The following AP4E1 variants were observed in gnomAD, a reference collection of about 807,000 sequenced individuals.
AP4E1 encodes AP-4 complex subunit epsilon-1.
In AP4E1, 56 loss-of-function variants were observed where a neutral mutation model predicts 128.2. The observed-to-expected ratio is 0.44, with a 90% CI of 0.35 to 0.55. The LOEUF is 0.55. Ranked by LOEUF, AP4E1 falls within the 20% of genes least tolerant of loss-of-function variation. The probability of loss-of-function intolerance (pLI) is 0.00; values close to 1 mark genes in which losing one functional copy is unlikely to be tolerated. For synonymous variants in AP4E1, 484 were observed against 473.1 expected (o/e 1.02, Z -0.30); for missense variants, 1,324 against 1,307.7 (o/e 1.01, Z -0.19).
In AP4E1 at chr15:50,915,444, T is replaced by A; in HGVS notation, c.223-4T>A. 1 of 1,612,508 alleles carries A rather than the reference T, an allele frequency of 6.2e-7. No individual in the cohort carries two copies. The highest frequency in any genetic ancestry group is 8.5e-7 in the Non-Finnish European group (1 of 1,178,874). On this transcript the variant is annotated splice_region_variant and splice_polypyrimidine_tract_variant and intron_variant, in intron 2 of 20. Coordinates refer to ENST00000261842, the MANE Select transcript of AP4E1 (RefSeq NM_007347.5). ...ATACAGCTACTGGATATTTTGCTTT[T>A]CAGAAAATGATGAAGGAATGTATGG...
chr15:50,961,200 C>T (rs951689353), intron 14 of AP4E1, among the ~76,000 whole-genome samples: 1 of 152,032 alleles, frequency 6.6e-6, no homozygotes, highest in Non-Finnish European at 1.5e-5. Flanking sequence ...AGCACCAACT[C>T]TTCTTAAACT....
At position 50,974,028 on chromosome 15, in the gene AP4E1, C is replaced by T. The variant is rs376262983; in HGVS notation, c.1966+5651C>T. Among the ~76,000 whole-genome samples the T allele has an allele frequency of 5.3e-5, 8 of 152,266 alleles. 1 individual carries two copies. Among genetic ancestry groups the T allele is most frequent in the Non-Finnish European group, 2.9e-5 (2 of 68,018 alleles). ...TCGCCTAGGCTGGAGTGCAGTGGTA[C>T]GATCTCAGCTCACTGCAACCTCTGC... On this transcript the variant is annotated intron_variant, in intron 15 of 20. Coordinates refer to ENST00000261842, the MANE Select transcript of AP4E1 (RefSeq NM_007347.5).
At position 51,003,554 on chromosome 15, in the gene AP4E1, G is replaced by A. The variant is rs1467015924; in HGVS notation, c.*892G>A. The A allele has an allele frequency of 6.6e-6, 1 of 152,434 alleles. No individual in the cohort carries two copies. Among genetic ancestry groups the A allele is most frequent in the Non-Finnish European group, 1.5e-5 (1 of 68,020 alleles). 9.4% of individuals were successfully genotyped at this position (152,434 alleles called of 1,614,324 possible). ...CTTTTCCTGGCCTTTGAATCCACTA[G>A]TACTTAATGGATATAGCTGAAGCAG... On this transcript the variant is annotated 3_prime_UTR_variant, in exon 21 of 21. Coordinates refer to ENST00000261842, the MANE Select transcript of AP4E1 (RefSeq NM_007347.5).
At chr15:50,925,050 A>G (rs751127287) in intron 4 of AP4E1, 48 bp from the exon 5 acceptor site, 22 of 1,610,916 alleles carry the variant, frequency 1.4e-5, no homozygotes, top group African/African-American at 1.2e-4. Flanking sequence ...TGCCATTCCT[A>G]GTTTCAGTAT....
At chr15:50,914,400 C>T (rs1352976665) in intron 2 of AP4E1, among the ~76,000 whole-genome samples, 7 of 151,762 alleles carry the variant, frequency 4.6e-5, no homozygotes, top group Admixed American at 2.0e-4. Context: ...CCTGTAATCC[C>T]GGCAATTTGT....
At chr15:50,985,142 T>G (rs2064701930) in intron 16 of AP4E1, among the ~76,000 whole-genome samples, 1 of 152,120 alleles carries the variant, frequency 6.6e-6, no homozygotes, top group African/African-American at 2.4e-5. Flanking sequence ...TTCACCCACT[T>G]TTTGATGGGG....
rs550846887 is a variant in AP4E1, at chr15:50,986,449, A to G, written c.2090+2304A>G. Among the ~76,000 whole-genome samples the G allele has an allele frequency of 2.4e-4, 37 of 152,266 alleles. No individual in the cohort carries two copies. The East Asian group carries it at 6.8e-3, about 28-fold the overall frequency. On this transcript the variant is annotated intron_variant, in intron 16 of 20. Transcript: ENST00000261842. ...GTATGATATTGGCTGTGGGTTTGTC[A>G]TAAATAGCTCTTATTATTTTGAGAT...
intron 13 of AP4E1, among the ~76,000 whole-genome samples, chr15:50,954,763 T>C (rs987079964): frequency 1.2e-4 from 19 of 152,216 alleles, no homozygotes; most frequent in Admixed American, 7.9e-4. Flanking sequence ...GTTACATATG[T>C]ATACATGTGC....
chr15:50,950,715 A>G (rs2064136996), intron 13 of AP4E1, among the ~76,000 whole-genome samples: 2 of 152,140 alleles, frequency 1.3e-5, no homozygotes, highest in South Asian at 4.1e-4. Context: ...CTATTAACAC[A>G]TCACCTAGGT....
rs1469774136 is a variant in AP4E1 at position 51,002,753 on chromosome 15, A to G, written c.*91A>G. On this transcript the variant is annotated 3_prime_UTR_variant, in exon 21 of 21. Transcript: ENST00000261842. Reference sequence around the variant, plus strand: ...AGTAAAAAGAACTCATGGTACTTCTAATGAAAATGGGGATTATTACAAGTG... The same window carrying G: ...AGTAAAAAGAACTCATGGTACTTCTGATGAAAATGGGGATTATTACAAGTG... 5 of 1,452,156 alleles carry G rather than the reference A, an allele frequency of 3.4e-6. No individual in the cohort carries two copies. Among genetic ancestry groups the G allele is most frequent in the Middle Eastern group, 2.2e-4 (1 of 4,530 alleles). 90.0% of individuals were successfully genotyped at this position (1,452,156 alleles called of 1,614,324 possible).
intron 14 of AP4E1, among the ~76,000 whole-genome samples, chr15:50,967,936 G>C (rs1373580949): frequency 6.6e-6 from 1 of 152,160 alleles, no homozygotes; most frequent in Non-Finnish European, 1.5e-5. Context: ...CAGTCTCCCG[G>C]GTGGTGGCTG....
chr15:50,958,540 GTTAT>G lies in AP4E1; in HGVS notation c.1598_1601del (p.Val533GlufsTer9). On this transcript the variant is annotated frameshift_variant, in exon 14 of 21. Coordinates refer to ENST00000261842, the MANE Select transcript of AP4E1 (RefSeq NM_007347.5). LOFTEE classifies it high-confidence loss of function. ...CTTAGATAAGGAAACGCCAGAGGAA[GTTAT>G]AGCTAAGCTCTACAAGTTACTTATG... 6.2e-7 allele frequency: 1 copy of G among 1,613,868 alleles called. No individual in the cohort carries two copies. The highest frequency in any genetic ancestry group is 8.5e-7 in the Non-Finnish European group (1 of 1,179,926).
rs775586649 is a variant in AP4E1 at position 50,993,404 on chromosome 15, T to C, written c.2125T>C (p.Leu709=). ...CTTGAAGCTGGAAGGTATAAAGAAA[T>C]TGTGGGGGAAAGAAGGCTATCTTCC... ...NSLKLEGIKK[L]WGKEGYLPKK... Residue 709 remains leucine (L), a synonymous_variant, in exon 17 of 21, where the codon TTG becomes CTG. Coordinates refer to ENST00000261842, the MANE Select transcript of AP4E1 (RefSeq NM_007347.5). 22 of 1,613,890 alleles carry C rather than the reference T, an allele frequency of 1.4e-5. No homozygotes were observed. In the South Asian group the frequency reaches 1.6e-4, roughly 12 times the overall value.
intron 3 of AP4E1, 32 bp downstream of exon 3, chr15:50,915,603 C>A (rs1293940698): frequency 6.2e-7 from 1 of 1,611,396 alleles, no homozygotes; most frequent in African/African-American, 1.3e-5. Context: ...TTGATGCTTT[C>A]ATGTTGTCCT....
chr15:50,939,535 T>C (rs1223489641), intron 8 of AP4E1, among the ~76,000 whole-genome samples: 1 of 151,760 alleles, frequency 6.6e-6, no homozygotes, highest in Admixed American at 6.6e-5. Context: ...ATTTGTAGAG[T>C]TGGAGAATAA....
intron 14 of AP4E1, among the ~76,000 whole-genome samples, chr15:50,964,504 G>A (rs1239076403): frequency 6.6e-6 from 1 of 151,016 alleles, no homozygotes; most frequent in South Asian, 2.1e-4. Context: ...TCACTGGAGA[G>A]TTATTGTGTT....
intron 5 of AP4E1, among the ~76,000 whole-genome samples, chr15:50,928,156 A>C (rs1036569790): frequency 1.1e-4 from 16 of 152,302 alleles, no homozygotes; most frequent in African/African-American, 3.8e-4. Flanking sequence ...TTTTTATTCC[A>C]TGTGTGTCCT....
chr15:50,981,226 G>C (rs2064638809), intron 15 of AP4E1, among the ~76,000 whole-genome samples: 2 of 152,154 alleles, frequency 1.3e-5, no homozygotes, highest in Admixed American at 6.5e-5. Flanking sequence ...TCATAGATGT[G>C]GGGCTGCCTA....
At chr15:50,943,053 C>T (rs757370171) in intron 10 of AP4E1, among the ~76,000 whole-genome samples, 17 of 152,028 alleles carry the variant, frequency 1.1e-4, no homozygotes, top group Non-Finnish European at 1.9e-4. Context: ...TCCTGCCCTC[C>T]CTGCCTGCTT....
Sources: gnomAD v4.1 joint callset for allele counts (sites outside exome capture counted in the v4.1 genomes callset) on GRCh38, gnomAD v4.1.1 for gene constraint, MANE v1.5 for transcripts, NCBI Gene and HGNC (gene_info 2026-07-23, HGNC 2026-07-21) for gene names.